RFX3: variants seen among roughly 807,000 people sequenced by gnomAD.
The protein encoded by RFX3 is transcription factor RFX3.
RFX3 carries 14 observed loss-of-function variants against 98.6 expected under a neutral mutation model. The observed-to-expected ratio is 0.14, with a 90% CI of 0.09 to 0.22. The LOEUF (loss-of-function observed/expected upper bound fraction) is 0.22. RFX3 is among the 10% of genes least tolerant of loss of function. The probability of loss-of-function intolerance (pLI) is 1.00; values close to 1 mark genes in which losing one functional copy is unlikely to be tolerated. For synonymous variants in RFX3, 383 were observed against 328.4 expected (o/e 1.17, Z -1.80); for missense variants, 639 against 926.9 (o/e 0.69, Z 4.03).
chr9:3,497,287 G>C (rs1273458996), intron 1 of RFX3, among the ~76,000 whole-genome samples: 2 of 151,968 alleles, frequency 1.3e-5, no homozygotes, highest in Admixed American at 1.3e-4. Context: ...GAAATATCTT[G>C]AAGGTAACAA....
intron 1 of RFX3, among the ~76,000 whole-genome samples, chr9:3,465,688 T>C (rs768115951): frequency 6.6e-6 from 1 of 152,068 alleles, no homozygotes; most frequent in Non-Finnish European, 1.5e-5. Context: ...ATTCCTATTA[T>C]ACAGGAGTTT....
chr9:3,274,409 T>C (rs1824928353), intron 9 of RFX3, among the ~76,000 whole-genome samples: 1 of 152,194 alleles, frequency 6.6e-6, no homozygotes, highest in Admixed American at 6.5e-5. Context: ...AATAGACTCT[T>C]CTTTCAAAAG....
intron 3 of RFX3, among the ~76,000 whole-genome samples, chr9:3,330,749 G>A (rs1832499828): frequency 6.6e-6 from 1 of 152,090 alleles, no homozygotes; most frequent in South Asian, 2.1e-4. Context: ...CAGAGATTTT[G>A]CCCTCTCCTG....
chr9:3,247,678 C>T, intron 15 of RFX3: 1 of 1,461,894 alleles, frequency 6.8e-7, no homozygotes, highest in Non-Finnish European at 9.0e-7. Flanking sequence ...TTAATCCTTT[C>T]CATTGTATTC....
At chr9:3,314,339 A>G (rs1325083834) in intron 4 of RFX3, among the ~76,000 whole-genome samples, 1 of 152,232 alleles carries the variant, frequency 6.6e-6, no homozygotes, top group African/African-American at 2.4e-5. Context: ...CTTTGTCACC[A>G]CCAGGCCTGC....
chr9:3,245,360 C>G (rs1264839178), intron 15 of RFX3, among the ~76,000 whole-genome samples: 1 of 152,172 alleles, frequency 6.6e-6, no homozygotes, highest in Non-Finnish European at 1.5e-5. Context: ...GAAAAGGCCA[C>G]TGTGATTGCA....
In RFX3 at chr9:3,398,776, C is replaced by T. The variant is rs10971772; in HGVS notation, c.-8-3180G>A. On this transcript the variant is annotated intron_variant, in intron 1 of 16. Transcript: ENST00000617270. ...TACTTTTTTTGGTCTATGACCCACACTTTGACATCAACTGTTTTAGATCAA... is the reference window on the plus strand; with the variant it reads ...TACTTTTTTTGGTCTATGACCCACATTTTGACATCAACTGTTTTAGATCAA... Among the ~76,000 whole-genome samples, 796 of 152,112 alleles carry T rather than the reference C, an allele frequency of 5.2e-3. 10 individuals carry two copies. The highest frequency in any genetic ancestry group is 0.026 in the Admixed American group (400 of 15,280).
chr9:3,419,030 T>C (rs969642900), intron 1 of RFX3, among the ~76,000 whole-genome samples: 1 of 152,214 alleles, frequency 6.6e-6, no homozygotes, highest in African/African-American at 2.4e-5. Context: ...ATTTATAGAT[T>C]TGAATATCTT....
intron 1 of RFX3, among the ~76,000 whole-genome samples, chr9:3,444,530 T>C (rs1036534461): frequency 6.6e-6 from 1 of 152,142 alleles, no homozygotes; most frequent in Non-Finnish European, 1.5e-5. Flanking sequence ...AGCTATATAC[T>C]ACATCAGAAC....
intron 1 of RFX3, among the ~76,000 whole-genome samples, chr9:3,508,659 A>C (rs1817355522): frequency 6.6e-6 from 1 of 151,976 alleles, no homozygotes; most frequent in South Asian, 2.1e-4. Context: ...ACAGTTTTAC[A>C]AGAAGGTTTA....
intron 1 of RFX3, among the ~76,000 whole-genome samples, chr9:3,442,017 T>A (rs1422340246): frequency 6.6e-6 from 1 of 152,058 alleles, no homozygotes; most frequent in African/African-American, 2.4e-5. Context: ...CTGGTCAACA[T>A]GGTGAAACCC....
chr9:3,508,710 G>A lies in RFX3; in HGVS notation c.-9+17037C>T, dbSNP rs149173257. The stretch of plus-strand genomic sequence containing the variant: ...ACCTTGTTAAAAGCAAATGACAAGC[G>A]GTTTTCCCCCACAGGAAACATACTC... On this transcript the variant is annotated intron_variant, in intron 1 of 16. Coordinates refer to ENST00000617270, the MANE Select transcript of RFX3 (RefSeq NM_001282116.2). Among the ~76,000 whole-genome samples the A allele has an allele frequency of 9.0e-4, 137 of 151,908 alleles. 1 individual carries two copies. Among genetic ancestry groups the A allele is most frequent in the East Asian group, 8.3e-3 (43 of 5,178 alleles).
chr9:3,232,086 C>T (rs1818548030), intron 15 of RFX3, among the ~76,000 whole-genome samples: 3 of 150,548 alleles, frequency 2.0e-5, no homozygotes, highest in Non-Finnish European at 4.4e-5. Flanking sequence ...AAACAAAAAA[C>T]AGAAGAGGAG....
rs932636221 is a variant in RFX3 at position 3,381,803 on chromosome 9, A to T, written c.117+13669T>A. Among the ~76,000 whole-genome samples, 3 of 152,238 alleles carry T rather than the reference A, an allele frequency of 2.0e-5. No individual in the cohort carries two copies. In the East Asian group the frequency reaches 5.8e-4, roughly 29 times the overall value. Reference sequence around the variant, plus strand: ...AATAATAAAGGGAGACAGAGAAAAAAGAATCATGAAAAATCATGCCCTTGG... The same window carrying T: ...AATAATAAAGGGAGACAGAGAAAAATGAATCATGAAAAATCATGCCCTTGG... On this transcript the variant is annotated intron_variant, in intron 2 of 16. Transcript: ENST00000617270.
intron 1 of RFX3, among the ~76,000 whole-genome samples, chr9:3,495,837 T>G (rs148850090): frequency 3.4e-4 from 51 of 152,218 alleles, no homozygotes; most frequent in African/African-American, 1.2e-3. Context: ...AAACCATTAT[T>G]ATATTTCAAA....
At position 3,224,872 on chromosome 9, in the gene RFX3, A is replaced by G. The variant is rs1817594589; in HGVS notation, c.*170T>C. On this transcript the variant is annotated 3_prime_UTR_variant, in exon 17 of 17. Coordinates refer to ENST00000617270, the MANE Select transcript of RFX3 (RefSeq NM_001282116.2). ...AGCAAATAATTTGTTTACGTTAAAA[A>G]AAAAGATCTGGCAAAATACATACAC... The G allele has an allele frequency of 3.5e-6, 2 of 570,290 alleles. No individual in the cohort carries two copies. The highest frequency in any genetic ancestry group is 5.9e-6 in the Non-Finnish European group (2 of 341,092). 35.3% of individuals were successfully genotyped at this position (570,290 alleles called of 1,614,324 possible). A position where few individuals can be genotyped will look rare whatever the true frequency, so the allele number is the denominator to read the frequency against.
chr9:3,364,448 G>T, intron 2 of RFX3: 1 of 259,888 alleles, frequency 3.8e-6, no homozygotes, highest in Non-Finnish European at 7.5e-6. Context: ...AATTTGAAGG[G>T]CCACAGGAAG....
intron 1 of RFX3, among the ~76,000 whole-genome samples, chr9:3,480,227 C>T (rs1387971461): frequency 2.6e-5 from 4 of 152,188 alleles, no homozygotes; most frequent in Non-Finnish European, 4.4e-5. Flanking sequence ...TTTCAGCCAG[C>T]AGGTGAGAAA....
Position 3,451,327 on chromosome 9 carries a change from C to G in RFX3, c.-8-55731G>C, listed in dbSNP as rs536273629. On this transcript the variant is annotated intron_variant, in intron 1 of 16. Transcript: ENST00000617270. ...TTGGGAGGCTGAAGTAGGAAGTTCA[C>G]TTGAGCCCAGGAGTTCAAGATCAGC... Among the ~76,000 whole-genome samples the G allele has an allele frequency of 6.3e-4, 96 of 152,292 alleles. No individual in the cohort carries two copies. The Middle Eastern group carries it at 0.01, about 16-fold the overall frequency.
Sources: gnomAD v4.1 joint callset for allele counts (sites outside exome capture counted in the v4.1 genomes callset) on GRCh38, gnomAD v4.1.1 for gene constraint, MANE v1.5 for transcripts, NCBI Gene and HGNC (gene_info 2026-07-23, HGNC 2026-07-21) for gene names.